The following IQGAP2 variants were observed in gnomAD, a reference collection of about 807,000 sequenced individuals.
IQGAP2 encodes the protein IQ motif containing GTPase activating protein 2.
Under a neutral mutation model 201.3 loss-of-function variants are expected in IQGAP2, and 173 were observed. The ratio of observed to expected loss-of-function variants is 0.86; its 90% CI spans 0.76 to 0.98. IQGAP2 has a LOEUF of 0.98. Among genes scored for constraint, IQGAP2 ranks in the 50% least tolerant of loss-of-function variants. The pLI is 0.00. For synonymous variants in IQGAP2, 675 were observed against 673.9 expected, an observed-to-expected ratio of 1.00 and a Z score of -0.03; for missense variants, 1,687 against 1,864.8, an observed-to-expected ratio of 0.90 and a Z score of 1.76.
chr5:76,498,231 G>T (rs541308964), intron 2 of IQGAP2, among the ~76,000 whole-genome samples: 1 of 152,184 alleles, frequency 6.6e-6, no homozygotes, highest in Non-Finnish European at 1.5e-5. Context: ...AGAATGCAGG[G>T]TTGAATAAAC....
At chr5:76,466,452 T>TTCAAA (rs1754785956) in intron 2 of IQGAP2, among the ~76,000 whole-genome samples, 1 of 152,214 alleles carries the variant, frequency 6.6e-6, no homozygotes, top group Admixed American at 6.5e-5. Context: ...AAAACGTACT[T>TTCAAA]ACAAAGCCCA....
intron 1 of IQGAP2, among the ~76,000 whole-genome samples, chr5:76,419,221 T>C (rs1387608731): frequency 6.6e-6 from 1 of 152,184 alleles, no homozygotes; most frequent in African/African-American, 2.4e-5. Context: ...CACTTCAGCC[T>C]CAAACTCCTG....
Position 76,425,820 on chromosome 5 carries a change from G to A in IQGAP2, c.46+22229G>A, listed in dbSNP as rs578097568. Among the ~76,000 whole-genome samples, 145 of 152,258 alleles carry A rather than the reference G, an allele frequency of 9.5e-4. 2 individuals carry two copies. The highest frequency in any genetic ancestry group is 3.2e-3 in the African/African-American group (131 of 41,528). On this transcript the variant is annotated intron_variant, in intron 1 of 35. Coordinates refer to ENST00000274364, the MANE Select transcript of IQGAP2 (RefSeq NM_006633.5). ...TCGGTTACCTTTTACCTGAGCCTCT[G>A]AGCTCCATAACACCACTGTGCCTCA...
intron 17 of IQGAP2, among the ~76,000 whole-genome samples, chr5:76,652,467 G>C (rs1752594795): frequency 6.6e-6 from 1 of 152,016 alleles, no homozygotes; most frequent in Admixed American, 6.5e-5. Context: ...GCCACCCAGG[G>C]CCTTGGTAAA....
chr5:76,415,611 C>T (rs1751362849), intron 1 of IQGAP2, among the ~76,000 whole-genome samples: 3 of 152,082 alleles, frequency 2.0e-5, no homozygotes, highest in Admixed American at 2.0e-4. Context: ...GTTAAGAGGC[C>T]CAGGACTCTA....
At chr5:76,566,971 C>T (rs550367879) in intron 3 of IQGAP2, among the ~76,000 whole-genome samples, 3 of 151,900 alleles carry the variant, frequency 2.0e-5, no homozygotes, top group Non-Finnish European at 4.4e-5. Flanking sequence ...GAGGAATGGA[C>T]AGAAGGGCCT....
intron 2 of IQGAP2, among the ~76,000 whole-genome samples, chr5:76,484,379 C>T: frequency 6.6e-6 from 1 of 152,124 alleles, no homozygotes; most frequent in Non-Finnish European, 1.5e-5. Flanking sequence ...GGAGGGCTGT[C>T]TTAGTGCTAG....
intron 1 of IQGAP2, among the ~76,000 whole-genome samples, chr5:76,455,473 A>G (rs1754024575): frequency 2.0e-5 from 3 of 151,576 alleles, no homozygotes; most frequent in South Asian, 2.1e-4. Flanking sequence ...AAAAAAAAAA[A>G]AAGAGAACAA....
At chr5:76,479,109 G>A (rs1184768846) in intron 2 of IQGAP2, among the ~76,000 whole-genome samples, 2 of 152,012 alleles carry the variant, frequency 1.3e-5, no homozygotes, top group East Asian at 1.9e-4. Context: ...ATGGTTGATC[G>A]TTCTCTCCTC....
At chr5:76,404,962 CTCAT>C (rs1750718154) in intron 1 of IQGAP2, among the ~76,000 whole-genome samples, 1 of 152,166 alleles carries the variant, frequency 6.6e-6, no homozygotes, top group Admixed American at 6.5e-5. Flanking sequence ...GAATGCTGTG[CTCAT>C]TCAGTGTTTG....
chr5:76,496,773 C>CT (rs369883435), intron 2 of IQGAP2, among the ~76,000 whole-genome samples: 20 of 75,538 alleles, frequency 2.6e-4, no homozygotes, highest in South Asian at 3.9e-4. Context: ...TTCTTTCTTT[C>CT]TTTCTTTCTT....
At chr5:76,435,932 TTTTG>T (rs145858168) in intron 1 of IQGAP2, among the ~76,000 whole-genome samples, 14,272 of 151,888 alleles carry the variant, frequency 0.094, 1,710 homozygotes, top group African/African-American at 0.28. Flanking sequence ...GGGTTTGGGT[TTTTG>T]TTTGTTTGTT....
intron 9 of IQGAP2, among the ~76,000 whole-genome samples, chr5:76,595,782 G>GAGAGAC (rs1479671927): frequency 6.6e-6 from 1 of 151,750 alleles, no homozygotes; most frequent in African/African-American, 2.4e-5. Flanking sequence ...GAGAGAGAGA[G>GAGAGAC]AGAGAGAGAG....
At chr5:76,628,726 G>C (rs1329725714) in intron 14 of IQGAP2, 2 of 455,968 alleles carry the variant, frequency 4.4e-6, no homozygotes, top group Non-Finnish European at 8.8e-6. Flanking sequence ...GAAACATCTG[G>C]GCTTTATCTC....
intron 1 of IQGAP2, among the ~76,000 whole-genome samples, chr5:76,431,936 A>G (rs561454775): frequency 6.6e-6 from 1 of 151,616 alleles, no homozygotes; most frequent in Non-Finnish European, 1.5e-5. Flanking sequence ...TGATCTTTTT[A>G]TAATGGTTTT....
At chr5:76,647,810 C>T (rs947045031) in intron 17 of IQGAP2, among the ~76,000 whole-genome samples, 1 of 144,288 alleles carries the variant, frequency 6.9e-6, no homozygotes, top group Non-Finnish European at 1.5e-5. Context: ...AACTGCTCTA[C>T]TCTAGCCAAA....
intron 15 of IQGAP2, 97 bp from the exon 16 acceptor site, chr5:76,636,937 G>A: frequency 9.5e-7 from 1 of 1,047,874 alleles, no homozygotes. Flanking sequence ...AAGGTTTGGT[G>A]AAAAACATAT....
rs540744402 is a variant in IQGAP2, at chr5:76,667,877, C to CTTTTT, written c.2680-785_2680-781dup. Among the ~76,000 whole-genome samples, 275 of 123,288 alleles carry CTTTTT rather than the reference C, an allele frequency of 2.2e-3. 8 individuals are homozygous for CTTTTT. The highest frequency in any genetic ancestry group is 4.8e-3 in the Middle Eastern group (1 of 208). The allele number at this position is 123,288 out of a possible 152,430, so 80.9% of individuals were successfully genotyped here. Reference sequence around the variant, plus strand: ...TGTAGCCGGGCCCTTAGTCCACTTTCTTTTTTTTTTTTTTTTTTTTTTTGA... The same window carrying CTTTTT: ...TGTAGCCGGGCCCTTAGTCCACTTTCTTTTTTTTTTTTTTTTTTTTTTTTTTTTGA... On this transcript the variant is annotated intron_variant, in intron 22 of 35. Transcript: ENST00000274364.
chr5:76,575,701 T>C lies in IQGAP2; in HGVS notation c.390T>C (p.Tyr130=), dbSNP rs2150281625. 4 of 1,569,408 alleles carry C rather than the reference T, an allele frequency of 2.5e-6. No individual in the cohort carries two copies. In the East Asian group the frequency reaches 9.2e-5, roughly 36 times the overall value. ...MESIGLPKIF[Y]PETTDVYDRK... ...TTTCTTTTGTTTTCCAGATATTTTA[T>C]CCAGAAACAACAGATGTCTATGATC... is the stretch of plus-strand genomic sequence containing the variant. The change falls in exon 5 of 36, where the codon TAT becomes TAC. Residue 130 remains tyrosine, a synonymous_variant. Transcript: ENST00000274364.
Sources: gnomAD v4.1 joint callset for allele counts (sites outside exome capture counted in the v4.1 genomes callset) on GRCh38, gnomAD v4.1.1 for gene constraint, MANE v1.5 for transcripts, NCBI Gene and HGNC (gene_info 2026-07-23, HGNC 2026-07-21) for gene names.